EVC2: variants seen among roughly 807,000 people sequenced by gnomAD.
EVC2 encodes the protein limbin.
A neutral mutation model predicts 149.3 loss-of-function variants in EVC2; 148 were observed. The observed-to-expected ratio is 0.99, with a 90% CI of 0.87 to 1.14. The LOEUF (loss-of-function observed/expected upper bound fraction) is 1.14, where lower values mean the gene tolerates loss of function less well. Ranked by LOEUF, EVC2 falls within the 50% of genes most tolerant of loss-of-function variation. EVC2 has a pLI of 0.00. For synonymous variants in EVC2, 776 were observed against 649.9 expected (o/e 1.19, Z -2.95); for missense variants, 1,854 against 1,627.3 (o/e 1.14, Z -2.40).
At chr4:5,619,143 C>T (rs1435855453) in intron 14 of EVC2, among the ~76,000 whole-genome samples, 1 of 152,194 alleles carries the variant, frequency 6.6e-6, no homozygotes, top group African/African-American at 2.4e-5. Context: ...TGACTGACAG[C>T]TGTCATTCAG....
intron 16 of EVC2, among the ~76,000 whole-genome samples, chr4:5,601,878 G>A (rs1714007138): frequency 2.6e-5 from 4 of 152,182 alleles, no homozygotes; most frequent in Admixed American, 2.6e-4. Flanking sequence ...TCCAACTGGA[G>A]CACATCAGAG....
intron 18 of EVC2, 91 bp from the exon 19 acceptor site, chr4:5,574,863 C>T (rs1043449819): frequency 4.7e-6 from 6 of 1,268,648 alleles, no homozygotes; most frequent in Non-Finnish European, 5.7e-6. Context: ...AAGAAGCACA[C>T]ATCTCAGCCA....
At position 5,618,500 on chromosome 4, in the gene EVC2, G is replaced by A. The variant is rs1201319727; in HGVS notation, c.2684C>T (p.Ala895Val). Residue 895 changes from alanine (A) to valine (V), a missense_variant, in exon 15 of 22, where the codon GCC becomes GTC. Coordinates refer to ENST00000344408, the MANE Select transcript of EVC2 (RefSeq NM_147127.5). This position sits in a 1 kb window ranked among gnomAD's most constrained non-coding sequence, Gnocchi z 4.4. The part of the protein sequence containing the change: ...REAEFVKLDQ[A>V]VAAPELQQQS... ...TACCTGCAGCTCAGGGGCAGCCACG[G>A]CCTGGTCCAGCTTCACGAACTCTGC... is the stretch of plus-strand genomic sequence containing the variant. 4.3e-6 allele frequency: 7 copies of A among 1,613,360 alleles called. No homozygotes were observed. Among genetic ancestry groups the A allele is most frequent in the Non-Finnish European group, 5.9e-6 (7 of 1,180,032 alleles).
rs1027333672 is a variant in EVC2, at chr4:5,694,194, C to T, written c.450+141G>A. 1.5e-5 allele frequency: 12 copies of T among 810,824 alleles called. No homozygotes were observed. The African/African-American group carries it at 1.9e-4, about 13-fold the overall frequency. 50.2% of individuals were successfully genotyped at this position (810,824 alleles called of 1,614,324 possible). A position where few individuals can be genotyped will look rare whatever the true frequency, so the allele number is the denominator to read the frequency against. On this transcript the variant is annotated intron_variant, in intron 3 of 21. Transcript: ENST00000344408. ...TTGGAAAAATAAATGGATTTGCTAC[C>T]CAGTGATAACTATATTTAGTGAAAG...
rs528893434 is a variant in EVC2, at chr4:5,566,011, G to T, written c.3558-652C>A. On this transcript the variant is annotated intron_variant, in intron 20 of 21. Transcript: ENST00000344408. ...TCCCCCACTGGGATGAATGCTCTAC[G>T]CAAGCAGGGCTTTGTCTCTTACCCT... is the stretch of plus-strand genomic sequence containing the variant. Among the ~76,000 whole-genome samples, 3 of 152,334 alleles carry T rather than the reference G, an allele frequency of 2.0e-5. No individual in the cohort carries two copies. The South Asian group carries it at 6.2e-4, about 32-fold the overall frequency.
intron 10 of EVC2, among the ~76,000 whole-genome samples, chr4:5,638,383 T>C (rs1228468787): frequency 7.0e-6 from 1 of 141,868 alleles, no homozygotes; most frequent in Non-Finnish European, 1.5e-5. Flanking sequence ...AGTGAGACTC[T>C]ATCTCAAAAA....
chr4:5,652,179 T>C (rs1242749708), intron 9 of EVC2, among the ~76,000 whole-genome samples: 1 of 152,012 alleles, frequency 6.6e-6, no homozygotes, highest in African/African-American at 2.4e-5. Flanking sequence ...AAGAAAGAAA[T>C]AGCAATGGCT....
At position 5,689,434 on chromosome 4, in the gene EVC2, A is replaced by C. The variant is rs1720955788; in HGVS notation, c.520-91T>G. The C allele has an allele frequency of 2.3e-6, 3 of 1,306,674 alleles. No homozygotes were observed. The South Asian group carries it at 3.7e-5, about 16-fold the overall frequency. 80.9% of individuals were successfully genotyped at this position (1,306,674 alleles called of 1,614,324 possible). On this transcript the variant is annotated intron_variant, in intron 4 of 21. Transcript: ENST00000344408. ...TGAGCCCAGCCTGTGCACATTAGGCATCCAGGAAGAAGGAGGGTAGCACGG... is the reference window on the plus strand; with the variant it reads ...TGAGCCCAGCCTGTGCACATTAGGCCTCCAGGAAGAAGGAGGGTAGCACGG...
rs772234395 is a variant in EVC2, at chr4:5,615,553, G to C, written c.2707-9C>G. ...CTCACCTTGGACTGTTGCTGGAGAG[G>C]GGTTGGGGAAGACGTGGGTAAGAAG... is the stretch of plus-strand genomic sequence containing the variant. On this transcript the variant is annotated splice_polypyrimidine_tract_variant and intron_variant, in intron 15 of 21. Transcript: ENST00000344408. 14 of 1,614,032 alleles carry C rather than the reference G, an allele frequency of 8.7e-6. No individual in the cohort carries two copies. The highest frequency in any genetic ancestry group is 1.3e-5 in the African/African-American group (1 of 74,898).
At chr4:5,598,344 C>T (rs1713647318) in intron 16 of EVC2, among the ~76,000 whole-genome samples, 1 of 150,946 alleles carries the variant, frequency 6.6e-6, no homozygotes. Flanking sequence ...GTAACCAAAA[C>T]AGCATGGTAC....
At position 5,628,489 on chromosome 4, in the gene EVC2, T is replaced by C. The variant is rs942739082; in HGVS notation, c.1886+70A>G. Reference sequence around the variant, plus strand: ...TTCTATTTATAAATTACCCAGTCTGTGGTATTCTGTCATAGCAGCAGAAAA... The same window carrying C: ...TTCTATTTATAAATTACCCAGTCTGCGGTATTCTGTCATAGCAGCAGAAAA... On this transcript the variant is annotated intron_variant, in intron 12 of 21. Transcript: ENST00000344408. The C allele has an allele frequency of 3.8e-6, 6 of 1,569,868 alleles. No individual in the cohort carries two copies. In the African/African-American group the frequency reaches 6.8e-5, roughly 18 times the overall value.
At chr4:5,691,992 C>A (rs1318470658) in intron 3 of EVC2, among the ~76,000 whole-genome samples, 1 of 152,194 alleles carries the variant, frequency 6.6e-6, no homozygotes, top group East Asian at 1.9e-4. Context: ...CCTGCAGTAT[C>A]CACACACCTC....
intron 16 of EVC2, among the ~76,000 whole-genome samples, chr4:5,586,122 A>G (rs929134555): frequency 3.9e-5 from 6 of 152,080 alleles, no homozygotes; most frequent in African/African-American, 1.4e-4. Context: ...TCAGCCTCCC[A>G]AAGTGCTGGG....
chr4:5,589,893 C>T (rs568115692), intron 16 of EVC2, among the ~76,000 whole-genome samples: 1 of 152,000 alleles, frequency 6.6e-6, no homozygotes, highest in Admixed American at 6.6e-5. Flanking sequence ...CAAATATTGC[C>T]GTTGTTAATA....
At position 5,622,913 on chromosome 4, in the gene EVC2, GGT is replaced by G; in HGVS notation, c.2123_2124del (p.His708ProfsTer37). 1 of 1,614,166 alleles carries G rather than the reference GGT, an allele frequency of 6.2e-7. No homozygotes were observed. Among genetic ancestry groups the G allele is most frequent in the Non-Finnish European group, 8.5e-7 (1 of 1,180,040 alleles). Reference sequence around the variant, plus strand: ...TGCTCCTCCATCAGGCTCCTCTTCTGGTGCAGGTACTGGCCGGCATCCTCAAC... The same window carrying G: ...TGCTCCTCCATCAGGCTCCTCTTCTGGCAGGTACTGGCCGGCATCCTCAAC... ...RTVEDAGQYL[H>X]QKRSLMEEHG... On this transcript the variant is annotated frameshift_variant, in exon 14 of 22. Transcript: ENST00000344408. LOFTEE classifies it high-confidence loss of function. This position sits in a 1 kb window ranked among gnomAD's most constrained non-coding sequence, Gnocchi z 5.8.
chr4:5,685,526 C>T (rs1374418452), intron 5 of EVC2, 47 bp from the exon 6 acceptor site: 1 of 1,532,236 alleles, frequency 6.5e-7, no homozygotes, highest in South Asian at 1.1e-5. Flanking sequence ...TTGGCCACGC[C>T]CCCGGCTGCA....
At chr4:5,574,016 A>G (rs1200166707) in intron 19 of EVC2, among the ~76,000 whole-genome samples, 2 of 152,244 alleles carry the variant, frequency 1.3e-5, no homozygotes, top group South Asian at 2.1e-4. Flanking sequence ...GGAACTGTGG[A>G]AAGAATCACA....
chr4:5,614,653 A>T lies in EVC2; in HGVS notation c.2829+769T>A, dbSNP rs1715098562. ...AATACAGATTAAAGCATCCTAGGAGACTGTGTGGTGTGTGCTAGAACATCA... is the reference window on the plus strand; with the variant it reads ...AATACAGATTAAAGCATCCTAGGAGTCTGTGTGGTGTGTGCTAGAACATCA... On this transcript the variant is annotated intron_variant, in intron 16 of 21. Transcript: ENST00000344408. This position sits in a 1 kb window ranked among gnomAD's most constrained non-coding sequence, Gnocchi z 4.7. Among the ~76,000 whole-genome samples, 2 of 152,142 alleles carry T rather than the reference A, an allele frequency of 1.3e-5. No individual in the cohort carries two copies. The highest frequency in any genetic ancestry group is 4.8e-5 in the African/African-American group (2 of 41,420).
intron 16 of EVC2, among the ~76,000 whole-genome samples, chr4:5,597,215 T>C (rs886575068): frequency 1.3e-5 from 2 of 152,172 alleles, no homozygotes; most frequent in Non-Finnish European, 2.9e-5. Context: ...TAACTCATTT[T>C]ATGAGGCCAG....
Sources: allele counts gnomAD v4.1 joint callset (sites outside exome capture counted in the v4.1 genomes callset), GRCh38; gene constraint gnomAD v4.1.1; non-coding constraint Gnocchi (gnomAD v3.1); transcripts MANE v1.5; gene names NCBI Gene and HGNC (gene_info 2026-07-23, HGNC 2026-07-21).